Variants in CALN1 observed in about 807,000 individuals in gnomAD.
CALN1 encodes the protein calneuron 1, also known as calcium-binding protein 8.
CALN1 carries 17 observed loss-of-function variants against 30.6 expected under a neutral mutation model. That is an observed-to-expected ratio of 0.56 (90% CI 0.38 to 0.83). The LOEUF (loss-of-function observed/expected upper bound fraction) is 0.83. Among genes scored for constraint, CALN1 ranks in the 40% least tolerant of loss-of-function variants. The pLI is 0.00. For missense variants in CALN1, 291 were observed against 354.9 expected, an observed-to-expected ratio of 0.82 and a Z score of 1.45; for synonymous variants, 156 against 131.4, an observed-to-expected ratio of 1.19 and a Z score of -1.28.
rs895700553 is a variant in CALN1, at chr7:72,412,319, A to C, written c.-335T>G. 3 of 152,068 alleles carry C rather than the reference A, an allele frequency of 2.0e-5. No homozygotes were observed. The highest frequency in any genetic ancestry group is 2.9e-5 in the Non-Finnish European group (2 of 68,074). The allele number at this position is 152,068 out of a possible 1,614,324, so 9.4% of individuals were successfully genotyped here. A position where few individuals can be genotyped will look rare whatever the true frequency, so the allele number is the denominator to read the frequency against. On this transcript the variant is annotated 5_prime_UTR_variant, in exon 1 of 7. Coordinates refer to ENST00000395275, the MANE Select transcript of CALN1 (RefSeq NM_031468.4). ...AAGAAAAAAACACAAACTCAAGCGG[A>C]TAGCACCCCAGCGAGCTTCCCCAGC...
chr7:71,889,822 G>A (rs979310016), intron 5 of CALN1, among the ~76,000 whole-genome samples: 14 of 152,158 alleles, frequency 9.2e-5, no homozygotes, highest in African/African-American at 2.9e-4. Context: ...ATATGTGGTG[G>A]CACACGCCTG....
chr7:72,391,732 TTTTTGC>T (rs1485948435), intron 2 of CALN1, among the ~76,000 whole-genome samples: 15 of 152,140 alleles, frequency 9.9e-5, no homozygotes, highest in East Asian at 1.9e-4. Context: ...TTTGTTTTTG[TTTTTGC>T]CTGCCACCAT....
intron 5 of CALN1, among the ~76,000 whole-genome samples, chr7:71,991,725 G>C (rs1798964767): frequency 6.6e-6 from 1 of 152,242 alleles, no homozygotes; most frequent in African/African-American, 2.4e-5. Flanking sequence ...AGTAGTTCCA[G>C]TGAGGCATTC....
intron 3 of CALN1, among the ~76,000 whole-genome samples, chr7:72,207,794 TTTTA>T (rs1170636113): frequency 1.3e-5 from 2 of 152,216 alleles, no homozygotes; most frequent in African/African-American, 4.8e-5. Flanking sequence ...TCTGGGCGAC[TTTTA>T]TTTTTCTCTT....
intron 6 of CALN1, among the ~76,000 whole-genome samples, chr7:71,796,540 T>C (rs1196792770): frequency 1.3e-5 from 2 of 151,906 alleles, no homozygotes; most frequent in East Asian, 3.9e-4. Flanking sequence ...TTTGTATTTT[T>C]AGTAGAGATG....
At chr7:72,310,435 A>C (rs888148863) in intron 2 of CALN1, among the ~76,000 whole-genome samples, 1 of 150,880 alleles carries the variant, frequency 6.6e-6, no homozygotes, top group African/African-American at 2.4e-5. Context: ...AGCAGTGCTA[A>C]TATCAGTAGA....
intron 2 of CALN1, among the ~76,000 whole-genome samples, chr7:72,363,411 G>T (rs886572778): frequency 2.6e-5 from 4 of 151,948 alleles, no homozygotes; most frequent in Admixed American, 6.6e-5. Flanking sequence ...GCTAATTTTT[G>T]TATTTTTAGT....
intron 5 of CALN1, among the ~76,000 whole-genome samples, chr7:72,012,980 T>C (rs539368138): frequency 1.7e-4 from 26 of 152,204 alleles, no homozygotes; most frequent in African/African-American, 6.3e-4. Context: ...GTATTTTTAG[T>C]AGAGACAGGG....
chr7:72,410,376 C>T (rs1051389134), intron 1 of CALN1, among the ~76,000 whole-genome samples: 11 of 152,192 alleles, frequency 7.2e-5, no homozygotes, highest in African/African-American at 2.7e-4. Flanking sequence ...AACTGCCAAT[C>T]TAGGACGTAG....
chr7:72,415,762 T>C (rs1465287560), upstream of CALN1, among the ~76,000 whole-genome samples: 4 of 151,956 alleles, frequency 2.6e-5, no homozygotes, highest in African/African-American at 9.7e-5. Context: ...TCCCAGGCAG[T>C]GGGGCAGAGG....
chr7:72,169,112 ATTTC>A (rs10596254), intron 3 of CALN1, among the ~76,000 whole-genome samples: 38,414 of 151,436 alleles, frequency 0.25, 5,875 homozygotes, highest in Non-Finnish European at 0.35. Flanking sequence ...AGCCCTATTT[ATTTC>A]TTTATCGCCT....
At chr7:72,356,066 C>A (rs967474222) in intron 2 of CALN1, among the ~76,000 whole-genome samples, 1 of 152,230 alleles carries the variant, frequency 6.6e-6, no homozygotes, top group South Asian at 2.1e-4. Context: ...ACATTGTATA[C>A]ATGTATCAAA....
At chr7:72,047,689 G>A (rs1458482506) in intron 4 of CALN1, among the ~76,000 whole-genome samples, 2 of 152,182 alleles carry the variant, frequency 1.3e-5, no homozygotes, top group Non-Finnish European at 2.9e-5. Flanking sequence ...CCTGGGACGC[G>A]CTGGCAGGGA....
chr7:72,243,238 C>T (rs1223273017), intron 3 of CALN1, among the ~76,000 whole-genome samples: 1 of 152,272 alleles, frequency 6.6e-6, no homozygotes, highest in East Asian at 1.9e-4. Flanking sequence ...GAGGACACAG[C>T]AAGAAGGCAG....
the CALN1 span, among the ~76,000 whole-genome samples, chr7:72,502,788 A>G: frequency 6.6e-6 from 1 of 152,110 alleles, no homozygotes; most frequent in South Asian, 2.1e-4. Context: ...TCTCTCTTAT[A>G]TGGCATTTTA....
intron 3 of CALN1, among the ~76,000 whole-genome samples, chr7:72,181,027 G>C (rs1789743920): frequency 6.6e-6 from 1 of 150,382 alleles, no homozygotes; most frequent in African/African-American, 2.4e-5. Flanking sequence ...GAATCTGGGA[G>C]GCGGAAGTTG....
chr7:71,797,896 C>A (rs996676137), intron 6 of CALN1, among the ~76,000 whole-genome samples: 1 of 152,108 alleles, frequency 6.6e-6, no homozygotes, highest in Non-Finnish European at 1.5e-5. Flanking sequence ...GCAGTAGGCA[C>A]CTGAGTTAAT....
chr7:72,340,254 G>C (rs1351120629), intron 2 of CALN1, among the ~76,000 whole-genome samples: 3 of 152,120 alleles, frequency 2.0e-5, no homozygotes, highest in Non-Finnish European at 2.9e-5. Flanking sequence ...TATGACATTT[G>C]TAGAGATGGG....
intron 5 of CALN1, among the ~76,000 whole-genome samples, chr7:71,994,787 G>A (rs894747919): frequency 9.2e-5 from 14 of 152,020 alleles, no homozygotes; most frequent in Admixed American, 2.6e-4. Context: ...CATAGAGGAC[G>A]AAAGATTGGT....
Sources: gnomAD v4.1 joint callset for allele counts (sites outside exome capture counted in the v4.1 genomes callset) on GRCh38, gnomAD v4.1.1 for gene constraint, MANE v1.5 for transcripts, NCBI Gene and HGNC (gene_info 2026-07-23, HGNC 2026-07-21) for gene names.